MDN1: variants seen among roughly 807,000 people sequenced by gnomAD.
The protein encoded by MDN1 is midasin AAA ATPase 1.
MDN1 carries 266 observed loss-of-function variants against 669.2 expected under a neutral mutation model. The observed-to-expected ratio is 0.40, with a 90% CI of 0.36 to 0.44. MDN1 has a LOEUF of 0.44. MDN1 is among the 20% of genes least tolerant of loss of function. The probability of loss-of-function intolerance (pLI) is 1.00; values close to 1 mark genes in which losing one functional copy is unlikely to be tolerated. For synonymous variants in MDN1, 2,385 were observed against 2,457.1 expected, an observed-to-expected ratio of 0.97 and a Z score of 0.87; for missense variants, 5,940 against 6,754.0, an observed-to-expected ratio of 0.88 and a Z score of 4.22.
At position 89,732,575 on chromosome 6, in the gene MDN1, T is replaced by C; in HGVS notation, c.4924A>G (p.Ile1642Val). Residue 1642 changes from isoleucine to valine, a missense_variant, in exon 34 of 102, where the codon ATA becomes GTA. Ile to Val is a conservative substitution (Grantham distance 29). Transcript: ENST00000369393. ...SFVHAACLVY[I>V]DGIGSGVTSS... ...AACATACCTGAACCTATTCCATCTA[T>C]GTACACCAGGCATGCAGCATGGACA... The C allele has an allele frequency of 1.2e-6, 2 of 1,614,134 alleles. No individual in the cohort carries two copies. The highest frequency in any genetic ancestry group is 1.3e-5 in the African/African-American group (1 of 75,038).
chr6:89,778,249 T>C (rs113286953), intron 11 of MDN1, among the ~76,000 whole-genome samples: 116 of 151,682 alleles, frequency 7.6e-4, no homozygotes, highest in African/African-American at 2.5e-3. Context: ...TGCAAATTGC[T>C]TTCGTCTCAG....
In MDN1 at chr6:89,780,126, G is replaced by A. The variant is rs1383412498; in HGVS notation, c.1725+86C>T. The A allele has an allele frequency of 8.5e-6, 6 of 707,672 alleles. 1 individual carries two copies. In the South Asian group the frequency reaches 1.4e-4, roughly 16 times the overall value. The allele number at this position is 707,672 out of a possible 1,614,324, so 43.8% of individuals were successfully genotyped here. The stretch of plus-strand genomic sequence containing the variant: ...ATACTTGGAAAAAAGAAAAAAGTCT[G>A]ATGGCAATCAAAAGACAGAAAATAA... On this transcript the variant is annotated intron_variant, in intron 11 of 101. Transcript: ENST00000369393.
At chr6:89,810,596 C>T (rs1768350473) in intron 1 of MDN1, among the ~76,000 whole-genome samples, 1 of 152,216 alleles carries the variant, frequency 6.6e-6, no homozygotes, top group South Asian at 2.1e-4. Flanking sequence ...TTCTGGTTGT[C>T]ATCATCAATC....
At chr6:89,810,060 T>C (rs1269490476) in intron 1 of MDN1, among the ~76,000 whole-genome samples, 1 of 123,288 alleles carries the variant, frequency 8.1e-6, no homozygotes, top group Non-Finnish European at 1.7e-5. Context: ...AAAATATTAA[T>C]ATGGGCAGTC....
intron 2 of MDN1, among the ~76,000 whole-genome samples, chr6:89,802,788 C>G (rs1479573844): frequency 6.6e-6 from 1 of 152,106 alleles, no homozygotes; most frequent in Non-Finnish European, 1.5e-5. Context: ...TTTAAAAACC[C>G]CTGACACTCA....
At chr6:89,712,462 A>T in intron 48 of MDN1, 113 bp downstream of exon 48, 1 of 1,121,238 alleles carries the variant, frequency 8.9e-7, no homozygotes, top group Non-Finnish European at 1.3e-6. Context: ...TATGACAGCT[A>T]CACAATAAAT....
rs1808392281 is a variant in MDN1 at position 89,644,958 on chromosome 6, G to A, written c.16602+57C>T. The A allele has an allele frequency of 5.9e-6, 9 of 1,535,562 alleles. No individual in the cohort carries two copies. The South Asian group carries it at 7.3e-5, about 12-fold the overall frequency. On this transcript the variant is annotated intron_variant, in intron 101 of 101. Coordinates refer to ENST00000369393, the MANE Select transcript of MDN1 (RefSeq NM_014611.3). ...TCCAGGCCATATTTCAGATTGAACAGGTTGAAGGGAATCCCCACTTTACCT... is the reference window on the plus strand; with the variant it reads ...TCCAGGCCATATTTCAGATTGAACAAGTTGAAGGGAATCCCCACTTTACCT...
At chr6:89,770,999 G>A (rs1818052600) in intron 15 of MDN1, among the ~76,000 whole-genome samples, 2 of 152,298 alleles carry the variant, frequency 1.3e-5, no homozygotes, top group East Asian at 1.9e-4. Context: ...TGGTTGGGGG[G>A]TAAGGTGCAA....
At chr6:89,720,165 A>G (rs145002362) in intron 40 of MDN1, among the ~76,000 whole-genome samples, 18 of 152,342 alleles carry the variant, frequency 1.2e-4, no homozygotes, top group Non-Finnish European at 2.4e-4. Context: ...CTGTGAGACT[A>G]AAAGCAGCAT....
intron 95 of MDN1, among the ~76,000 whole-genome samples, 195 bp downstream of exon 95, chr6:89,651,997 A>G (rs1808905618): frequency 6.6e-6 from 1 of 152,222 alleles, no homozygotes; most frequent in Admixed American, 6.5e-5. Flanking sequence ...GTTTTAATTA[A>G]GCTATAGATC....
chr6:89,680,764 AG>A lies in MDN1; in HGVS notation c.12103-14del. On this transcript the variant is annotated splice_polypyrimidine_tract_variant and intron_variant, in intron 73 of 101. Coordinates refer to ENST00000369393, the MANE Select transcript of MDN1 (RefSeq NM_014611.3). Reference sequence around the variant, plus strand: ...CTGGAATTGTGGCCTGTGAGACAAAAGACAGGTTAGCCTCACTGCCAAGAAT... The same window carrying A: ...CTGGAATTGTGGCCTGTGAGACAAAAACAGGTTAGCCTCACTGCCAAGAAT... 6.2e-7 allele frequency: 1 copy of A among 1,612,510 alleles called. No homozygotes were observed.
chr6:89,742,374 C>T (rs1013386011), intron 31 of MDN1, among the ~76,000 whole-genome samples: 2 of 152,204 alleles, frequency 1.3e-5, no homozygotes, highest in Non-Finnish European at 2.9e-5. Flanking sequence ...CACCACTGCA[C>T]TCCAGCCTGG....
In MDN1 at chr6:89,762,394, A is replaced by G. The variant is rs1817596275; in HGVS notation, c.2281T>C (p.Trp761Arg). The G allele has an allele frequency of 1.9e-6, 3 of 1,614,138 alleles. No individual in the cohort carries two copies. The highest frequency in any genetic ancestry group is 2.5e-6 in the Non-Finnish European group (3 of 1,180,012). The part of the protein sequence containing the change: ...HIQTCYRQKR[W>R]HDLLRLMQHV... ...TGCATTAGTCTCAGGAGATCATGCCACCGTTTCTGTCTGTAACAGGTCTGA... is the reference window on the plus strand; with the variant it reads ...TGCATTAGTCTCAGGAGATCATGCCGCCGTTTCTGTCTGTAACAGGTCTGA... Residue 761 changes from tryptophan (W) to arginine (R), a missense_variant, in exon 16 of 102, where the codon TGG becomes CGG. Physicochemically the swap from Trp to Arg is moderately radical, Grantham distance 101 (BLOSUM62 -3). This residue lies in a region of MDN1 where 1,203 missense variants were observed against 1,268.9 expected (regional missense o/e 0.95). Coordinates refer to ENST00000369393, the MANE Select transcript of MDN1 (RefSeq NM_014611.3).
chr6:89,771,009 A>G (rs970166260), intron 15 of MDN1, among the ~76,000 whole-genome samples: 4 of 152,212 alleles, frequency 2.6e-5, no homozygotes, highest in African/African-American at 9.6e-5. Flanking sequence ...GTAAGGTGCA[A>G]TCTTGCTCAA....
intron 84 of MDN1, among the ~76,000 whole-genome samples, chr6:89,665,928 T>G (rs1011559002): frequency 6.6e-6 from 1 of 152,078 alleles, no homozygotes; most frequent in Non-Finnish European, 1.5e-5. Context: ...TAATCCCAGC[T>G]ACCTGGGAGA....
intron 84 of MDN1, among the ~76,000 whole-genome samples, chr6:89,667,000 T>C (rs1225324129): frequency 6.6e-6 from 1 of 152,194 alleles, no homozygotes; most frequent in East Asian, 1.9e-4. Context: ...TAGACATATA[T>C]ACACACTCAT....
In MDN1 at chr6:89,772,713, A is replaced by T. The variant is rs1215295553; in HGVS notation, c.1943T>A (p.Phe648Tyr). Reference protein sequence around the residue: ...SEAVHLQREKFTFAATRPSSV... With the variant: ...SEAVHLQREKYTFAATRPSSV... ...GGACGGCCGTGTAGCAGCGAAAGTGAACTTCTCCCTGGGAAGGAGAAAAAA... is the reference window on the plus strand; with the variant it reads ...GGACGGCCGTGTAGCAGCGAAAGTGTACTTCTCCCTGGGAAGGAGAAAAAA... The change falls in exon 14 of 102, where the codon TTC (phenylalanine) becomes TAC (tyrosine). Residue 648 changes from phenylalanine to tyrosine, a missense_variant. By Grantham distance (22) the Phe-to-Tyr change is conservative. Coordinates refer to ENST00000369393, the MANE Select transcript of MDN1 (RefSeq NM_014611.3). 1 of 1,613,336 alleles carries T rather than the reference A, an allele frequency of 6.2e-7. No individual in the cohort carries two copies. The highest frequency in any genetic ancestry group is 2.2e-5 in the East Asian group (1 of 44,874).
rs1299332634 is a variant in MDN1, at chr6:89,680,630, C to A, written c.12224G>T (p.Ser4075Ile). 1 of 1,614,068 alleles carries A rather than the reference C, an allele frequency of 6.2e-7. No homozygotes were observed. Among genetic ancestry groups the A allele is most frequent in the South Asian group, 1.1e-5 (1 of 91,084 alleles). ...GCCCTCCACAAGGCGAGGCAGGGGGCTCTCCTTCATGAACGTCAGGCACAT... is the reference window on the plus strand; with the variant it reads ...GCCCTCCACAAGGCGAGGCAGGGGGATCTCCTTCATGAACGTCAGGCACAT... ...RKMCLTFMKE[S>I]PLPRLVEGLD... Residue 4075 changes from serine (S) to isoleucine (I), a missense_variant, in exon 74 of 102, where the codon AGC (serine) becomes ATC (isoleucine). Ser to Ile is a moderately radical substitution (Grantham distance 142). Coordinates refer to ENST00000369393, the MANE Select transcript of MDN1 (RefSeq NM_014611.3).
rs757305972 is a variant in MDN1 at position 89,676,155 on chromosome 6, G to A, written c.12592C>T (p.Arg4198Cys). 2.0e-5 allele frequency: 32 copies of A among 1,614,194 alleles called. No individual in the cohort carries two copies. In the South Asian group the frequency reaches 2.2e-4, roughly 11 times the overall value. ...SWDGCQKYFY[R>C]SLARHARLNA... is the part of the protein sequence containing the mutation. ...AGCCTGGCATGCCGTGCAAGAGAGC[G>A]ATAAAAATACTTCTGGCATCCATCC... Residue 4198 changes from arginine (R) to cysteine (C), a missense_variant, in exon 77 of 102, where the codon CGC becomes TGC. Physicochemically the swap from Arg to Cys is radical, Grantham distance 180. Transcript: ENST00000369393.
Sources: gnomAD v4.1 joint callset for allele counts (sites outside exome capture counted in the v4.1 genomes callset) on GRCh38, gnomAD v4.1.1 for gene constraint, gnomAD v4.1.1 regional missense constraint, MANE v1.5 for transcripts, NCBI Gene and HGNC (gene_info 2026-07-23, HGNC 2026-07-21) for gene names.